The following ALDH1A1 variants were observed in gnomAD, a reference collection of about 807,000 sequenced individuals.
ALDH1A1 encodes aldehyde dehydrogenase 1A1.
In ALDH1A1, 19 loss-of-function variants were observed where a neutral mutation model predicts 62.1. The observed-to-expected ratio is 0.31, with a 90% CI of 0.21 to 0.45. ALDH1A1 has a LOEUF of 0.45. Ranked by LOEUF, ALDH1A1 falls within the 20% of genes least tolerant of loss-of-function variation. The pLI is 1.00. For synonymous variants in ALDH1A1, 231 were observed against 215.9 expected (o/e 1.07, Z -0.61); for missense variants, 521 against 607.1 (o/e 0.86, Z 1.49).
At chr9:72,924,215 A>T in intron 6 of ALDH1A1, 83 bp from the exon 7 acceptor site, 1 of 898,780 alleles carries the variant, frequency 1.1e-6, no homozygotes, top group Non-Finnish European at 1.7e-6. Context: ...TTGTCTCTTA[A>T]TGCCAACCTT....
At chr9:72,943,727 T>G (rs1297627498) in intron 1 of ALDH1A1, among the ~76,000 whole-genome samples, 2 of 152,174 alleles carry the variant, frequency 1.3e-5, no homozygotes, top group East Asian at 3.9e-4. Flanking sequence ...AGACATAGTC[T>G]GGCAGTTATT....
intron 6 of ALDH1A1, 59 bp downstream of exon 6, chr9:72,925,425 T>C: frequency 3.8e-6 from 6 of 1,584,838 alleles, no homozygotes; most frequent in Admixed American, 1.7e-5. Flanking sequence ...AATGAGGTCT[T>C]CCTATTGTAA....
At chr9:72,941,490 A>G (rs1402424400) in intron 1 of ALDH1A1, among the ~76,000 whole-genome samples, 1 of 152,186 alleles carries the variant, frequency 6.6e-6, no homozygotes, top group African/African-American at 2.4e-5. Flanking sequence ...GGTCTCCTCT[A>G]TACTTCCATT....
chr9:72,927,105 G>A lies in ALDH1A1; in HGVS notation c.504+11C>T, dbSNP rs1830221451. The A allele has an allele frequency of 6.3e-7, 1 of 1,589,662 alleles. No homozygotes were observed. Among genetic ancestry groups the A allele is most frequent in the East Asian group, 2.2e-5 (1 of 44,686 alleles). On this transcript the variant is annotated intron_variant, in intron 5 of 12. Coordinates refer to ENST00000297785, the MANE Select transcript of ALDH1A1 (RefSeq NM_000689.5). ...TTTTAAAATTGAGAATTATATAGGA[G>A]AAAAGCTTACAGGAATGATTTGGCC...
At chr9:72,936,597 A>T (rs939914744) in intron 2 of ALDH1A1, among the ~76,000 whole-genome samples, 1 of 151,972 alleles carries the variant, frequency 6.6e-6, no homozygotes, top group African/African-American at 2.4e-5. Context: ...GAAGTCTCTG[A>T]TAAAAGGCGT....
chr9:72,939,178 G>C (rs1378056111), intron 2 of ALDH1A1, among the ~76,000 whole-genome samples: 2 of 152,122 alleles, frequency 1.3e-5, no homozygotes, highest in African/African-American at 2.4e-5. Context: ...AAATTACTCA[G>C]CCTTTCTACT....
At chr9:72,935,159 A>G (rs1830333167) in intron 2 of ALDH1A1, among the ~76,000 whole-genome samples, 1 of 152,194 alleles carries the variant, frequency 6.6e-6, no homozygotes, top group Non-Finnish European at 1.5e-5. Flanking sequence ...CTTATACATT[A>G]TTCAAAAACT....
chr9:72,946,402 C>A (rs1397925118), intron 1 of ALDH1A1, among the ~76,000 whole-genome samples: 1 of 151,850 alleles, frequency 6.6e-6, no homozygotes, highest in Non-Finnish European at 1.5e-5. Context: ...CCCCAGTGAA[C>A]AAATTTCCAT....
intron 2 of ALDH1A1, 128 bp downstream of exon 2, chr9:72,940,020 T>G: frequency 1.6e-6 from 1 of 626,088 alleles, no homozygotes; most frequent in Non-Finnish European, 2.8e-6. Flanking sequence ...TAGACAATTT[T>G]CCTAAGCTGC....
chr9:72,940,030 C>A, intron 2 of ALDH1A1, 118 bp downstream of exon 2: 2 of 653,432 alleles, frequency 3.1e-6, no homozygotes, highest in Non-Finnish European at 2.6e-6. Context: ...TCCTAAGCTG[C>A]CCCAGAAACC....
chr9:72,952,847 C>T, intron 1 of ALDH1A1, 88 bp downstream of exon 1: 1 of 1,470,356 alleles, frequency 6.8e-7, no homozygotes, highest in South Asian at 1.3e-5. Context: ...GCTCTTTACA[C>T]AAGTTTACTT....
At chr9:72,922,384 G>T (rs1830155757) in intron 7 of ALDH1A1, among the ~76,000 whole-genome samples, 1 of 152,088 alleles carries the variant, frequency 6.6e-6, no homozygotes, top group Non-Finnish European at 1.5e-5. Flanking sequence ...TAGGTAAAGT[G>T]CTCCCCCAAT....
intron 4 of ALDH1A1, 104 bp from the exon 5 acceptor site, chr9:72,927,281 A>G: frequency 1.2e-6 from 1 of 817,414 alleles, no homozygotes; most frequent in Non-Finnish European, 1.9e-6. Context: ...AATTTTAAAA[A>G]CATATATCTG....
chr9:72,943,536 G>C (rs1487287137), intron 1 of ALDH1A1, among the ~76,000 whole-genome samples: 3 of 152,260 alleles, frequency 2.0e-5, no homozygotes, highest in East Asian at 3.9e-4. Context: ...CAACTGAAGA[G>C]ATCAGCTGTA....
intron 2 of ALDH1A1, among the ~76,000 whole-genome samples, chr9:72,936,874 T>C (rs1203689265): frequency 2.6e-5 from 4 of 152,132 alleles, no homozygotes; most frequent in Non-Finnish European, 5.9e-5. Flanking sequence ...CTTAACACTT[T>C]AGTTCGGTGG....
At chr9:72,926,872 CA>C (rs1230011047) in intron 5 of ALDH1A1, 1 of 367,810 alleles carries the variant, frequency 2.7e-6, no homozygotes, top group Non-Finnish European at 4.9e-6. Context: ...AAAGGGTTAA[CA>C]TTTATGGATG....
intron 5 of ALDH1A1, among the ~76,000 whole-genome samples, chr9:72,926,736 C>T (rs1487071639): frequency 2.0e-5 from 3 of 152,124 alleles, no homozygotes; most frequent in Non-Finnish European, 4.4e-5. Context: ...AATAGTAGGC[C>T]CCACTACATT....
At chr9:72,929,304 T>C (rs930110714) in intron 3 of ALDH1A1, among the ~76,000 whole-genome samples, 18 of 152,204 alleles carry the variant, frequency 1.2e-4, no homozygotes, top group Admixed American at 4.6e-4. Flanking sequence ...TCGGTCACAA[T>C]TTGATATACA....
chr9:72,915,201 G>T (rs1230596650), intron 9 of ALDH1A1, among the ~76,000 whole-genome samples: 15 of 152,008 alleles, frequency 9.9e-5, no homozygotes, highest in Non-Finnish European at 8.8e-5. Flanking sequence ...ATTTACTTTA[G>T]AATCTTACAA....
Sources: allele counts gnomAD v4.1 joint callset (sites outside exome capture counted in the v4.1 genomes callset), GRCh38; gene constraint gnomAD v4.1.1; transcripts MANE v1.5; gene names NCBI Gene and HGNC (gene_info 2026-07-23, HGNC 2026-07-21).